CERS6: variants seen among roughly 807,000 people sequenced by gnomAD.
CERS6 encodes LAG1 homolog, ceramide synthase 6.
In CERS6, 26 loss-of-function variants were observed where a neutral mutation model predicts 56.8. The ratio of observed to expected loss-of-function variants is 0.46; its 90% CI spans 0.34 to 0.63. The LOEUF (loss-of-function observed/expected upper bound fraction) is 0.63. CERS6 is among the 30% of genes least tolerant of loss of function. The probability of loss-of-function intolerance (pLI) is 0.01; values close to 1 mark genes in which losing one functional copy is unlikely to be tolerated. For missense variants in CERS6, 415 were observed against 467.5 expected (o/e 0.89, Z 1.04); for synonymous variants, 164 against 173.3 (o/e 0.95, Z 0.42).
chr2:168,775,097 G>T lies in CERS6; in HGVS notation c.*5435G>T, dbSNP rs1237868398. On this transcript the variant is annotated 3_prime_UTR_variant, in exon 10 of 10. Transcript: ENST00000305747. ...TTATTATGAGGATCATTTTACTTTG[G>T]AAACACTTTCATAATAAAGATAAGT... 4 of 152,168 alleles carry T rather than the reference G, an allele frequency of 2.6e-5. No homozygotes were observed. The highest frequency in any genetic ancestry group is 5.9e-5 in the Non-Finnish European group (4 of 67,996). The allele number at this position is 152,168 out of a possible 1,614,324, so 9.4% of individuals were successfully genotyped here.
intron 1 of CERS6, among the ~76,000 whole-genome samples, chr2:168,475,264 A>G (rs1010791606): frequency 1.3e-5 from 2 of 152,180 alleles, no homozygotes; most frequent in African/African-American, 4.8e-5. Context: ...TGCCACCAGA[A>G]TTCAATGATT....
At chr2:168,607,641 A>G (rs1227232032) in intron 3 of CERS6, among the ~76,000 whole-genome samples, 1 of 152,198 alleles carries the variant, frequency 6.6e-6, no homozygotes, top group African/African-American at 2.4e-5. Flanking sequence ...CGGCCTTCCA[A>G]AGTGCTGGGA....
intron 6 of CERS6, among the ~76,000 whole-genome samples, chr2:168,707,168 C>A (rs965504553): frequency 1.6e-4 from 24 of 152,204 alleles, no homozygotes; most frequent in African/African-American, 5.3e-4. Flanking sequence ...ACAGAAAATT[C>A]AACATCTTTA....
At chr2:168,506,050 T>A (rs1368651403) in intron 1 of CERS6, among the ~76,000 whole-genome samples, 1 of 152,210 alleles carries the variant, frequency 6.6e-6, no homozygotes, top group Non-Finnish European at 1.5e-5. Flanking sequence ...GCTGCCTGAA[T>A]ATCTTTCTCC....
chr2:168,583,050 G>C (rs1332611988), intron 3 of CERS6: 1 of 152,714 alleles, frequency 6.5e-6, no homozygotes, highest in Non-Finnish European at 1.5e-5. Flanking sequence ...ATAATGCATA[G>C]ACAAATGTAC....
At chr2:168,723,713 C>T (rs1683255818) in intron 8 of CERS6, among the ~76,000 whole-genome samples, 1 of 152,198 alleles carries the variant, frequency 6.6e-6, no homozygotes, top group Admixed American at 6.5e-5. Context: ...CCTCCAGGTA[C>T]ACGTGATGGT....
At chr2:168,465,542 A>G (rs1388103564) in intron 1 of CERS6, among the ~76,000 whole-genome samples, 1 of 152,232 alleles carries the variant, frequency 6.6e-6, no homozygotes, top group East Asian at 1.9e-4. Flanking sequence ...GCAACATACA[A>G]TAGAATATTA....
At chr2:168,714,208 C>T (rs1687170430) in intron 6 of CERS6, among the ~76,000 whole-genome samples, 1 of 152,176 alleles carries the variant, frequency 6.6e-6, no homozygotes, top group African/African-American at 2.4e-5. Context: ...CCCTAATTAC[C>T]TCCCAAATAC....
rs138501691 is a variant in CERS6 at position 168,691,809 on chromosome 2, A to T, written c.516+725A>T. 1.8e-3 allele frequency among the ~76,000 whole-genome samples: 275 copies of T among 152,274 alleles called. 1 individual carries two copies. The highest frequency in any genetic ancestry group is 6.5e-3 in the African/African-American group (271 of 41,568). On this transcript the variant is annotated intron_variant, in intron 5 of 9. Transcript: ENST00000305747. ...TTCTATAACTCCATGTTCAGTTGGG[A>T]TATATTATGTAAGAGAAGCAAATGC...
At chr2:168,656,401 C>T (rs930472048) in intron 4 of CERS6, among the ~76,000 whole-genome samples, 16 of 152,152 alleles carry the variant, frequency 1.1e-4, no homozygotes, top group African/African-American at 3.9e-4. Context: ...TGGACCCTCG[C>T]GGTGAGTGTT....
chr2:168,549,839 CCAAT>C (rs1695534790), intron 2 of CERS6, among the ~76,000 whole-genome samples: 2 of 152,012 alleles, frequency 1.3e-5, no homozygotes, highest in South Asian at 2.1e-4. Flanking sequence ...TGAAATGTAA[CCAAT>C]CAGTTGACTG....
chr2:168,734,004 TTC>T (rs937320875), intron 8 of CERS6, among the ~76,000 whole-genome samples: 2 of 152,186 alleles, frequency 1.3e-5, no homozygotes, highest in Non-Finnish European at 2.9e-5. Flanking sequence ...ATTGTACATG[TTC>T]TCTTCTTCAT....
intron 8 of CERS6, among the ~76,000 whole-genome samples, chr2:168,741,552 A>C (rs867504441): frequency 6.6e-6 from 1 of 152,160 alleles, no homozygotes; most frequent in Admixed American, 6.5e-5. Context: ...ATGTTTTAAG[A>C]AAGTTTATGA....
At chr2:168,692,662 C>A (rs1686535564) in intron 5 of CERS6, among the ~76,000 whole-genome samples, 1 of 152,050 alleles carries the variant, frequency 6.6e-6, no homozygotes, top group Non-Finnish European at 1.5e-5. Context: ...AGCATATAGC[C>A]CCCAAAATGT....
At chr2:168,593,112 C>T (rs1276703088) in intron 3 of CERS6, among the ~76,000 whole-genome samples, 4 of 152,212 alleles carry the variant, frequency 2.6e-5, no homozygotes, top group Non-Finnish European at 4.4e-5. Context: ...CTCTATGACA[C>T]TCCTATTTCC....
intron 1 of CERS6, among the ~76,000 whole-genome samples, chr2:168,534,897 G>A (rs1440142397): frequency 6.6e-6 from 1 of 152,224 alleles, no homozygotes; most frequent in African/African-American, 2.4e-5. Flanking sequence ...GGTCCAAGGA[G>A]ATCCGTATTC....
chr2:168,766,325 G>A (rs1253693040), intron 9 of CERS6: 1 of 1,598,024 alleles, frequency 6.3e-7, no homozygotes, highest in South Asian at 1.1e-5. Context: ...CTGGAAGGCT[G>A]GGAAGTGGAA....
intron 4 of CERS6, among the ~76,000 whole-genome samples, chr2:168,683,584 C>A (rs1438468456): frequency 6.6e-6 from 1 of 152,226 alleles, no homozygotes; most frequent in South Asian, 2.1e-4. Context: ...CTGCACATCT[C>A]TCTCCCCGTG....
At chr2:168,617,605 T>G (rs1684348605) in intron 3 of CERS6, among the ~76,000 whole-genome samples, 2 of 152,044 alleles carry the variant, frequency 1.3e-5, no homozygotes, top group African/African-American at 4.8e-5. Context: ...TATAAACACC[T>G]CTACACCCGT....
Sources: gnomAD v4.1 joint callset for allele counts (sites outside exome capture counted in the v4.1 genomes callset) on GRCh38, gnomAD v4.1.1 for gene constraint, MANE v1.5 for transcripts, NCBI Gene and HGNC (gene_info 2026-07-23, HGNC 2026-07-21) for gene names.